Variants in CDKAL1 observed in about 807,000 individuals in gnomAD.
CDKAL1 encodes the protein CDKAL1 threonylcarbamoyladenosine tRNA methylthiotransferase, also known as threonylcarbamoyladenosine tRNA methylthiotransferase.
CDKAL1 carries 32 observed loss-of-function variants against 68.2 expected under a neutral mutation model. The observed-to-expected ratio is 0.47, with a 90% CI of 0.35 to 0.63. The LOEUF is 0.63. Among genes scored for constraint, CDKAL1 ranks in the 30% least tolerant of loss-of-function variants. The pLI is 0.00. For synonymous variants in CDKAL1, 234 were observed against 244.3 expected (o/e 0.96, Z 0.39); for missense variants, 606 against 696.7 (o/e 0.87, Z 1.47).
intron 5 of CDKAL1, among the ~76,000 whole-genome samples, chr6:20,671,297 G>A (rs1056864807): frequency 2.6e-5 from 4 of 151,966 alleles, no homozygotes; most frequent in African/African-American, 9.7e-5. Context: ...TTATAGTTTG[G>A]CCATTTAGAT....
intron 9 of CDKAL1, among the ~76,000 whole-genome samples, chr6:20,913,191 A>G (rs1320884613): frequency 1.3e-5 from 2 of 151,320 alleles, no homozygotes; most frequent in African/African-American, 2.4e-5. Flanking sequence ...AAAACAACCC[A>G]TATTTTTTAT....
intron 5 of CDKAL1, among the ~76,000 whole-genome samples, chr6:20,698,514 A>C (rs1042730988): frequency 1.3e-5 from 2 of 152,126 alleles, no homozygotes; most frequent in Admixed American, 6.5e-5. Context: ...AGTCTGTGAC[A>C]GTTTCTCAGA....
At chr6:20,864,279 T>A (rs1759792778) in intron 9 of CDKAL1, among the ~76,000 whole-genome samples, 1 of 123,854 alleles carries the variant, frequency 8.1e-6, no homozygotes, top group South Asian at 2.7e-4. Flanking sequence ...ACATTTTGCA[T>A]TTTATTGTGT....
chr6:20,960,060 G>C (rs954669089), intron 10 of CDKAL1, among the ~76,000 whole-genome samples: 1 of 152,160 alleles, frequency 6.6e-6, no homozygotes, highest in African/African-American at 2.4e-5. Flanking sequence ...CTTTACATGT[G>C]TGATCTGTTT....
chr6:20,991,706 CAAAAAAAAAAAA>C (rs35504365), intron 10 of CDKAL1, among the ~76,000 whole-genome samples: 3 of 59,620 alleles, frequency 5.0e-5, no homozygotes, highest in East Asian at 1.3e-3. Flanking sequence ...TATTCCCTCT[CAAAAAAAAAAAA>C]AAAAAAAAAA....
At chr6:20,732,277 T>TG (rs1160860520) in intron 5 of CDKAL1, among the ~76,000 whole-genome samples, 1 of 127,392 alleles carries the variant, frequency 7.8e-6, no homozygotes, top group Non-Finnish European at 1.7e-5. Context: ...TTTTTTTTTT[T>TG]TTTTTTTTGT....
At chr6:20,617,240 T>C (rs1005925106) in intron 4 of CDKAL1, among the ~76,000 whole-genome samples, 2 of 151,694 alleles carry the variant, frequency 1.3e-5, no homozygotes, top group African/African-American at 4.8e-5. Flanking sequence ...TATGCCATGG[T>C]ATTGGAATGT....
intron 10 of CDKAL1, among the ~76,000 whole-genome samples, chr6:20,961,530 G>A (rs1335034025): frequency 2.6e-5 from 4 of 152,164 alleles, no homozygotes; most frequent in Non-Finnish European, 4.4e-5. Flanking sequence ...CACTTCGGGA[G>A]GCCGAGGCGG....
At chr6:20,623,896 C>T (rs989368763) in intron 4 of CDKAL1, among the ~76,000 whole-genome samples, 4 of 152,026 alleles carry the variant, frequency 2.6e-5, no homozygotes, top group Admixed American at 2.0e-4. Context: ...TAATCATGTA[C>T]TTGCCTTGTA....
intron 8 of CDKAL1, among the ~76,000 whole-genome samples, chr6:20,820,852 G>C (rs1777246689): frequency 6.6e-6 from 1 of 152,104 alleles, no homozygotes; most frequent in African/African-American, 2.4e-5. Context: ...AATTCTAGTG[G>C]TGGAGACAGA....
At chr6:21,204,710 A>C (rs1424610111) in intron 15 of CDKAL1, among the ~76,000 whole-genome samples, 2 of 152,244 alleles carry the variant, frequency 1.3e-5, no homozygotes, top group African/African-American at 4.8e-5. Flanking sequence ...CTGGAGTCAC[A>C]AAATTTGAAG....
chr6:21,048,930 G>GA (rs1770393814), intron 11 of CDKAL1, among the ~76,000 whole-genome samples: 1 of 149,578 alleles, frequency 6.7e-6, no homozygotes, highest in Non-Finnish European at 1.5e-5. Flanking sequence ...TTTCAAATAT[G>GA]AAAAAAATAA....
chr6:20,780,550 A>G (rs905234997), intron 7 of CDKAL1, among the ~76,000 whole-genome samples: 1 of 152,216 alleles, frequency 6.6e-6, no homozygotes, highest in Non-Finnish European at 1.5e-5. Flanking sequence ...TATGCTAGAG[A>G]GTATTTATAC....
intron 5 of CDKAL1, among the ~76,000 whole-genome samples, chr6:20,734,863 C>CTTTTTTTTTTTTT (rs34104100): frequency 1.1e-5 from 1 of 87,696 alleles, no homozygotes; most frequent in African/African-American, 4.4e-5. Context: ...TGCTGCACCT[C>CTTTTTTTTTTTTT]TTTTTTTTTT....
At chr6:20,895,716 C>T (rs941687246) in intron 9 of CDKAL1, among the ~76,000 whole-genome samples, 1 of 152,190 alleles carries the variant, frequency 6.6e-6, no homozygotes, top group Non-Finnish European at 1.5e-5. Context: ...CATGGTTAAA[C>T]TGCCACTGTT....
intron 12 of CDKAL1, among the ~76,000 whole-genome samples, chr6:21,077,761 G>A (rs956617448): frequency 3.9e-5 from 6 of 152,172 alleles, no homozygotes; most frequent in Admixed American, 6.5e-5. Context: ...ATTACAATTC[G>A]ACATGAGATT....
chr6:20,804,441 G>A (rs1776484371), intron 8 of CDKAL1, among the ~76,000 whole-genome samples: 2 of 152,200 alleles, frequency 1.3e-5, no homozygotes, highest in African/African-American at 2.4e-5. Flanking sequence ...GCTTTTGTTA[G>A]AACAGCTTGT....
intron 8 of CDKAL1, among the ~76,000 whole-genome samples, chr6:20,821,505 T>C (rs187405830): frequency 6.8e-4 from 104 of 152,312 alleles, no homozygotes; most frequent in Admixed American, 1.8e-3. Flanking sequence ...ATAGCACTTA[T>C]TGCTCTCTAA....
intron 8 of CDKAL1, among the ~76,000 whole-genome samples, chr6:20,787,186 A>G (rs1775712200): frequency 6.6e-6 from 1 of 152,212 alleles, no homozygotes; most frequent in African/African-American, 2.4e-5. Flanking sequence ...TCAGACAGAC[A>G]TATGGTGGTA....
Sources: allele counts gnomAD v4.1 joint callset (sites outside exome capture counted in the v4.1 genomes callset), GRCh38; gene constraint gnomAD v4.1.1; transcripts MANE v1.5; gene names NCBI Gene and HGNC (gene_info 2026-07-23, HGNC 2026-07-21).